Variants in GRID2 observed in about 807,000 individuals in gnomAD.
GRID2 encodes glutamate receptor ionotropic, delta-2.
In GRID2, 33 loss-of-function variants were observed where a neutral mutation model predicts 114.8. The observed-to-expected ratio is 0.29, with a 90% CI of 0.22 to 0.38. GRID2 has a LOEUF of 0.38. GRID2 is among the 10% of genes least tolerant of loss of function. The pLI is 1.00. For missense variants in GRID2, 1,184 were observed against 1,257.7 expected, an observed-to-expected ratio of 0.94 and a Z score of 0.89; for synonymous variants, 505 against 449.9, an observed-to-expected ratio of 1.12 and a Z score of -1.55.
At chr4:93,138,362 C>T (rs538481328) in intron 4 of GRID2, among the ~76,000 whole-genome samples, 1 of 152,242 alleles carries the variant, frequency 6.6e-6, no homozygotes, top group South Asian at 2.1e-4. Flanking sequence ...AATATTATGG[C>T]TACATGCTTA....
chr4:92,459,125 A>G (rs1468653902), intron 1 of GRID2, among the ~76,000 whole-genome samples: 2 of 152,214 alleles, frequency 1.3e-5, no homozygotes, highest in South Asian at 2.1e-4. Context: ...AATACAGTAC[A>G]CTATTTTTAA....
At chr4:92,907,947 C>A (rs1263437255) in intron 2 of GRID2, among the ~76,000 whole-genome samples, 1 of 151,940 alleles carries the variant, frequency 6.6e-6, no homozygotes, top group African/African-American at 2.4e-5. Context: ...CGCTTGAATC[C>A]GGGAGGCAGA....
intron 8 of GRID2, among the ~76,000 whole-genome samples, chr4:93,301,334 G>C (rs962429234): frequency 6.6e-6 from 1 of 152,064 alleles, no homozygotes; most frequent in Non-Finnish European, 1.5e-5. Context: ...CTATAATTAT[G>C]TGGGGAGTAA....
intron 2 of GRID2, among the ~76,000 whole-genome samples, chr4:92,639,778 A>G (rs1731256096): frequency 6.6e-6 from 1 of 151,818 alleles, no homozygotes; most frequent in Non-Finnish European, 1.5e-5. Context: ...TTATAAAGTT[A>G]TACAAATAAA....
chr4:93,157,411 A>G (rs1294503653), intron 4 of GRID2, among the ~76,000 whole-genome samples: 1 of 151,738 alleles, frequency 6.6e-6, no homozygotes, highest in Non-Finnish European at 1.5e-5. Flanking sequence ...TTAAAATATT[A>G]TTAATTTTAT....
intron 2 of GRID2, among the ~76,000 whole-genome samples, chr4:92,923,780 C>T (rs527846075): frequency 2.2e-4 from 34 of 152,154 alleles, no homozygotes; most frequent in Non-Finnish European, 4.0e-4. Flanking sequence ...ACAGAGACTG[C>T]GACATTGAAA....
At chr4:93,411,082 C>A (rs1450259690) in intron 9 of GRID2, among the ~76,000 whole-genome samples, 14 of 151,918 alleles carry the variant, frequency 9.2e-5, no homozygotes, top group Non-Finnish European at 1.8e-4. Flanking sequence ...TATTTAATGA[C>A]AAAAAAACAG....
intron 14 of GRID2, among the ~76,000 whole-genome samples, chr4:93,678,133 G>A (rs898513197): frequency 1.4e-4 from 21 of 152,106 alleles, no homozygotes; most frequent in Non-Finnish European, 1.8e-4. Flanking sequence ...GAAGAATGTA[G>A]AAGCCTCAGG....
intron 4 of GRID2, among the ~76,000 whole-genome samples, chr4:93,161,488 C>T (rs950419818): frequency 2.6e-5 from 4 of 151,640 alleles, no homozygotes; most frequent in African/African-American, 4.8e-5. Context: ...CTTTTTAATG[C>T]CTTATTTTCT....
At chr4:92,535,089 T>C (rs34215764) in intron 1 of GRID2, among the ~76,000 whole-genome samples, 4,308 of 152,290 alleles carry the variant, frequency 0.028, 185 homozygotes, top group African/African-American at 0.089. Flanking sequence ...GGGCTAACTA[T>C]CCAGTTTTGA....
At chr4:92,991,792 G>A (rs1291390344) in intron 2 of GRID2, among the ~76,000 whole-genome samples, 2 of 152,084 alleles carry the variant, frequency 1.3e-5, no homozygotes, top group East Asian at 1.9e-4. Flanking sequence ...ATTTAGGCCT[G>A]AGTACAAATA....
intron 1 of GRID2, among the ~76,000 whole-genome samples, chr4:92,452,383 T>G (rs1720972844): frequency 6.6e-6 from 1 of 151,610 alleles, no homozygotes. Context: ...AGTGGCACGA[T>G]CTTGGCTCAC....
At chr4:92,944,466 G>A (rs570225519) in intron 2 of GRID2, among the ~76,000 whole-genome samples, 27 of 152,258 alleles carry the variant, frequency 1.8e-4, no homozygotes, top group East Asian at 9.7e-4. Flanking sequence ...TCCAGGTGCC[G>A]TCTGTCACCC....
In GRID2 at chr4:92,460,435, T is replaced by G. The variant is rs1485105886; in HGVS notation, c.89-129696T>G. 3.9e-5 allele frequency among the ~76,000 whole-genome samples: 6 copies of G among 152,074 alleles called. No homozygotes were observed. In the East Asian group the frequency reaches 1.2e-3, roughly 30 times the overall value. Reference sequence around the variant, plus strand: ...CCTTCCGAAATTTCATGTACACGATTCTAGATATTTGAATAAATGTTCCAC... The same window carrying G: ...CCTTCCGAAATTTCATGTACACGATGCTAGATATTTGAATAAATGTTCCAC... On this transcript the variant is annotated intron_variant, in intron 1 of 15. Coordinates refer to ENST00000282020, the MANE Select transcript of GRID2 (RefSeq NM_001510.4).
chr4:93,459,984 T>TAG (rs1315858490), intron 11 of GRID2, among the ~76,000 whole-genome samples: 2 of 152,184 alleles, frequency 1.3e-5, no homozygotes, highest in East Asian at 3.9e-4. Flanking sequence ...AATCTCTTCT[T>TAG]ATCTAGAAAG....
intron 1 of GRID2, among the ~76,000 whole-genome samples, chr4:92,558,633 T>G (rs1024552129): frequency 1.3e-5 from 2 of 152,054 alleles, no homozygotes; most frequent in African/African-American, 4.8e-5. Flanking sequence ...ACCTCTAATC[T>G]CTTTAATATT....
chr4:92,760,142 G>A (rs185978245), intron 2 of GRID2, among the ~76,000 whole-genome samples: 9 of 149,954 alleles, frequency 6.0e-5, no homozygotes, highest in African/African-American at 2.0e-4. Flanking sequence ...CAGGAGGTGA[G>A]GCAGGAGAAC....
At chr4:93,595,429 C>T (rs550852312) in intron 13 of GRID2, among the ~76,000 whole-genome samples, 2 of 152,248 alleles carry the variant, frequency 1.3e-5, no homozygotes, top group South Asian at 4.1e-4. Flanking sequence ...GCTGTGGGAA[C>T]TTGGGCAAAT....
chr4:93,011,105 AT>A (rs2065609992), intron 2 of GRID2, among the ~76,000 whole-genome samples: 1 of 150,952 alleles, frequency 6.6e-6, no homozygotes, highest in Admixed American at 6.6e-5. Flanking sequence ...TTTTTTAAAA[AT>A]ATATTTAAGA....
Sources: gnomAD v4.1 joint callset for allele counts (sites outside exome capture counted in the v4.1 genomes callset) on GRCh38, gnomAD v4.1.1 for gene constraint, MANE v1.5 for transcripts, NCBI Gene and HGNC (gene_info 2026-07-23, HGNC 2026-07-21) for gene names.